GRIN3B: variants seen among roughly 807,000 people sequenced by gnomAD.
GRIN3B encodes the protein glutamate ionotropic receptor NMDA type subunit 3B.
GRIN3B carries 77 observed loss-of-function variants against 66.0 expected under a neutral mutation model. The observed-to-expected ratio is 1.17, with a 90% CI of 0.97 to 1.41. The LOEUF is 1.41. GRIN3B is among the 40% of genes most tolerant of loss of function. GRIN3B has a pLI of 0.00. For missense variants in GRIN3B, 1,787 were observed against 1,564.5 expected, an observed-to-expected ratio of 1.14 and a Z score of -2.40; for synonymous variants, 823 against 749.7, an observed-to-expected ratio of 1.10 and a Z score of -1.60.
At position 1,009,236 on chromosome 19, in the gene GRIN3B, A is replaced by ACT. The variant is rs1462942822; in HGVS notation, c.2767_2768insTC (p.Arg923LeufsTer163). On this transcript the variant is annotated frameshift_variant, in exon 9 of 9. Coordinates refer to ENST00000234389, the MANE Select transcript of GRIN3B (RefSeq NM_138690.3). LOFTEE classifies it low-confidence loss of function (END_TRUNC). The stretch of plus-strand genomic sequence containing the variant: ...AGCCAACGGCTCCGGAGGGCTGGAA[A>ACT]CGGGCGCGCCGGGCCGTGGACAAGG... 4 of 1,453,542 alleles carry ACT rather than the reference A, an allele frequency of 2.8e-6. No individual in the cohort carries two copies. Among genetic ancestry groups the ACT allele is most frequent in the Non-Finnish European group, 3.6e-6 (4 of 1,114,862 alleles). The allele number at this position is 1,453,542 out of a possible 1,614,324, so 90.0% of individuals were successfully genotyped here. A position where few individuals can be genotyped will look rare whatever the true frequency, so the allele number is the denominator to read the frequency against.
chr19:1,001,206 C>T (rs755401799), intron 1 of GRIN3B, among the ~76,000 whole-genome samples: 5 of 152,192 alleles, frequency 3.3e-5, no homozygotes, highest in South Asian at 4.1e-4. Flanking sequence ...AGGCCCCTTC[C>T]CTCCTTCCCC....
rs918402578 is a variant in GRIN3B, at chr19:1,008,468, A to G, written c.2467-150A>G. On this transcript the variant is annotated intron_variant, in intron 6 of 8. Transcript: ENST00000234389. ...AGTGCCCCTTCCTCCATGAAACCTC[A>G]CTCCCCCCAGCCATGGAGTCCCTGC... is the stretch of plus-strand genomic sequence containing the variant. 13 of 1,042,600 alleles carry G rather than the reference A, an allele frequency of 1.2e-5. No homozygotes were observed. The African/African-American group carries it at 1.6e-4, about 13-fold the overall frequency. 64.6% of individuals were successfully genotyped at this position (1,042,600 alleles called of 1,614,324 possible).
Position 1,003,528 on chromosome 19 carries a change from A to G in GRIN3B, c.825A>G (p.Pro275=), listed in dbSNP as rs777351892. The change falls in exon 2 of 9, where the codon CCA becomes CCG. Residue 275 remains proline, a synonymous_variant. Transcript: ENST00000234389. ...PPKALPTAGL[P]PGLLALGEVA... Reference sequence around the variant, plus strand: ...AGGCCCTGCCCACCGCGGGGCTGCCACCAGGGCTGCTGGCGCTGGGCGAGG... The same window carrying G: ...AGGCCCTGCCCACCGCGGGGCTGCCGCCAGGGCTGCTGGCGCTGGGCGAGG... 2.0e-6 allele frequency: 3 copies of G among 1,528,506 alleles called. No homozygotes were observed. The highest frequency in any genetic ancestry group is 1.7e-4 in the Middle Eastern group (1 of 5,874). The allele number at this position is 1,528,506 out of a possible 1,614,324, so 94.7% of individuals were successfully genotyped here. A position where few individuals can be genotyped will look rare whatever the true frequency, so the allele number is the denominator to read the frequency against.
Position 1,007,599 on chromosome 19 carries a change from C to A in GRIN3B, c.2053-29C>A. 1 of 1,464,904 alleles carries A rather than the reference C, an allele frequency of 6.8e-7. No individual in the cohort carries two copies. Among genetic ancestry groups the A allele is most frequent in the Non-Finnish European group, 9.0e-7 (1 of 1,110,960 alleles). The allele number at this position is 1,464,904 out of a possible 1,614,324, so 90.7% of individuals were successfully genotyped here. A position where few individuals can be genotyped will look rare whatever the true frequency, so the allele number is the denominator to read the frequency against. On this transcript the variant is annotated intron_variant, in intron 3 of 8. Coordinates refer to ENST00000234389, the MANE Select transcript of GRIN3B (RefSeq NM_138690.3). The surrounding 1 kb of genome is among the most constrained non-coding windows in gnomAD (Gnocchi z 4.4). ...ATGGTCAGGGGTCCTGAGGGGCAGG[C>A]AGAGGCGCTGACGGGGTCCCCCGCG...
Position 1,009,514 on chromosome 19 carries a change from C to G in GRIN3B, c.3044C>G (p.Ala1015Gly). 6.7e-7 allele frequency: 1 copy of G among 1,493,604 alleles called. No homozygotes were observed. The highest frequency in any genetic ancestry group is 2.7e-5 in the East Asian group (1 of 37,336). 92.5% of individuals were successfully genotyped at this position (1,493,604 alleles called of 1,614,324 possible). A position where few individuals can be genotyped will look rare whatever the true frequency, so the allele number is the denominator to read the frequency against. The change falls in exon 9 of 9, where the codon GCA becomes GGA. Residue 1015 changes from alanine to glycine, a missense_variant. Physicochemically the swap from Ala to Gly is moderately conservative, Grantham distance 60 (BLOSUM62 0). Coordinates refer to ENST00000234389, the MANE Select transcript of GRIN3B (RefSeq NM_138690.3). ...CTCCTGGCACAGCTCGGGGACAGCG[C>G]ACGTCACCGGCCTCGGCGCTTGCTT... The part of the protein sequence containing the change: ...GQLLAQLGDS[A>G]RHRPRRLLQA...
At position 1,005,199 on chromosome 19, in the gene GRIN3B, C is replaced by G. The variant is rs368382957; in HGVS notation, c.1698C>G (p.Ile566Met). Residue 566 changes from isoleucine to methionine, a missense_variant, in exon 3 of 9, where the codon ATC (isoleucine) becomes ATG (methionine). Ile to Met is a conservative substitution (Grantham distance 10). Transcript: ENST00000234389. This position sits in a 1 kb window ranked among gnomAD's most constrained non-coding sequence, Gnocchi z 5.2. ...GGGCACGGGACACGGCCTCACCCAT[C>G]GGTGCCTTTATGTGGCCCCTGCACT... The part of the protein sequence containing the change: ...MVRARDTASP[I>M]GAFMWPLHWS... The G allele has an allele frequency of 9.9e-6, 16 of 1,613,548 alleles. No individual in the cohort carries two copies. In the Admixed American group the frequency reaches 2.7e-4, roughly 27 times the overall value.
At chr19:1,002,843 G>T in intron 1 of GRIN3B, 1 of 344,884 alleles carries the variant, frequency 2.9e-6, no homozygotes, top group Non-Finnish European at 5.3e-6. Flanking sequence ...CATAGAGAGA[G>T]AAAGATATTC....
intron 3 of GRIN3B, among the ~76,000 whole-genome samples, chr19:1,006,384 A>G (rs1168350916): frequency 6.7e-6 from 1 of 149,842 alleles, no homozygotes; most frequent in Non-Finnish European, 1.5e-5. Context: ...TGACCTCGTG[A>G]TCCGCCCACC....
At chr19:1,002,382 AAAAG>A (rs1483157062) in intron 1 of GRIN3B, among the ~76,000 whole-genome samples, 1 of 147,226 alleles carries the variant, frequency 6.8e-6, no homozygotes, top group Non-Finnish European at 1.5e-5. Flanking sequence ...AAAAAAAAAA[AAAAG>A]CTGGGAGTGG....
chr19:1,005,433 G>A lies in GRIN3B; in HGVS notation c.1932G>A (p.Leu644=). 6.2e-7 allele frequency: 1 copy of A among 1,613,628 alleles called. No individual in the cohort carries two copies. The highest frequency in any genetic ancestry group is 1.7e-5 in the Admixed American group (1 of 60,024). Residue 644 remains leucine, a synonymous_variant, in exon 3 of 9, where the codon CTG becomes CTA. Transcript: ENST00000234389. This position sits in a 1 kb window ranked among gnomAD's most constrained non-coding sequence, Gnocchi z 5.2. ...CGCCCAAGTGCCCCACGGGCCGCCT[G>A]CTCATGAACCTCTGGGCCATCTTCT... The part of the protein sequence containing the change: ...SKTPKCPTGR[L]LMNLWAIFCL...
At chr19:1,009,010 G>A (rs1404301130) in intron 8 of GRIN3B, 83 bp downstream of exon 8, 1 of 1,510,264 alleles carries the variant, frequency 6.6e-7, no homozygotes, top group Admixed American at 2.0e-5. Context: ...CGGCCGCGGG[G>A]TGCAGGAGGT....
Position 1,009,247 on chromosome 19 carries a change from G to A in GRIN3B, c.2777G>A (p.Arg926Gln), listed in dbSNP as rs900530232. 7.6e-6 allele frequency: 11 copies of A among 1,439,680 alleles called. No individual in the cohort carries two copies. In the African/African-American group the frequency reaches 1.2e-4, roughly 16 times the overall value. The allele number at this position is 1,439,680 out of a possible 1,614,324, so 89.2% of individuals were successfully genotyped here. Reference protein sequence around the residue: ...TAPEGWKRARRAVDKERRVRF... With the variant: ...TAPEGWKRARQAVDKERRVRF... Reference sequence around the variant, plus strand: ...CCGGAGGGCTGGAAACGGGCGCGCCGGGCCGTGGACAAGGAGCGCCGCGTG... The same window carrying A: ...CCGGAGGGCTGGAAACGGGCGCGCCAGGCCGTGGACAAGGAGCGCCGCGTG... Residue 926 changes from arginine (R) to glutamine (Q), a missense_variant, in exon 9 of 9, where the codon CGG (arginine) becomes CAG (glutamine). Arg to Gln is a conservative substitution (Grantham distance 43). Transcript: ENST00000234389.
In GRIN3B at chr19:1,005,965, T is replaced by C. The variant is rs1478083117; in HGVS notation, c.2052+412T>C. ...GTTGCAGTGAATCAAGATGGCACCATTGCACTCTAGCCTGGGCAACAGAGC... is the reference window on the plus strand; with the variant it reads ...GTTGCAGTGAATCAAGATGGCACCACTGCACTCTAGCCTGGGCAACAGAGC... On this transcript the variant is annotated intron_variant, in intron 3 of 8. Coordinates refer to ENST00000234389, the MANE Select transcript of GRIN3B (RefSeq NM_138690.3). The surrounding 1 kb of genome is among the most constrained non-coding windows in gnomAD (Gnocchi z 5.2). Among the ~76,000 whole-genome samples, 1 of 151,646 alleles carries C rather than the reference T, an allele frequency of 6.6e-6. No homozygotes were observed.
In GRIN3B at chr19:1,005,856, T is replaced by TAGCTG. The variant is rs2038743179; in HGVS notation, c.2052+307_2052+311dup. ...ATCTTTACTAAAAAATACAAAGAAT[T>TAGCTG]AGCTGAGCATGGTGGTGGGCACCTG... On this transcript the variant is annotated intron_variant, in intron 3 of 8. Transcript: ENST00000234389. This position sits in a 1 kb window ranked among gnomAD's most constrained non-coding sequence, Gnocchi z 5.2. 6.6e-6 allele frequency among the ~76,000 whole-genome samples: 1 copy of TAGCTG among 151,728 alleles called. No individual in the cohort carries two copies. Among genetic ancestry groups the TAGCTG allele is most frequent in the Admixed American group, 6.6e-5 (1 of 15,232 alleles).
At chr19:1,002,859 G>A (rs565668145) in intron 1 of GRIN3B, 32 of 370,010 alleles carry the variant, frequency 8.6e-5, no homozygotes, top group East Asian at 6.8e-4. Context: ...TATTCCATCC[G>A]GGGAATGGCA....
At chr19:1,002,835 T>TTA in intron 1 of GRIN3B, 1 of 302,566 alleles carries the variant, frequency 3.3e-6, no homozygotes, top group Non-Finnish European at 6.1e-6. Flanking sequence ...TTGGTGGGCA[T>TTA]AGAGAGAGAA....
At chr19:1,000,972 A>AG in intron 1 of GRIN3B, 109 bp downstream of exon 1, 1 of 1,176,158 alleles carries the variant, frequency 8.5e-7, no homozygotes, top group Non-Finnish European at 1.1e-6. Flanking sequence ...TACGCAGGGA[A>AG]GGGGGATCCC....
At position 1,005,235 on chromosome 19, in the gene GRIN3B, G is replaced by C. The variant is rs1340132325; in HGVS notation, c.1734G>C (p.Trp578Cys). ...AFMWPLHWST[W>C]LGVFAALHLT... ...TGTGGCCCCTGCACTGGTCCACGTG[G>C]CTGGGCGTCTTTGCGGCCCTGCACC... The change falls in exon 3 of 9, where the codon TGG becomes TGC. Residue 578 changes from tryptophan (W) to cysteine (C), a missense_variant. Coordinates refer to ENST00000234389, the MANE Select transcript of GRIN3B (RefSeq NM_138690.3). The surrounding 1 kb of genome is among the most constrained non-coding windows in gnomAD (Gnocchi z 5.2). 1 of 1,613,214 alleles carries C rather than the reference G, an allele frequency of 6.2e-7. No individual in the cohort carries two copies. The highest frequency in any genetic ancestry group is 8.5e-7 in the Non-Finnish European group (1 of 1,179,874).
At position 1,007,094 on chromosome 19, in the gene GRIN3B, G is replaced by A. The variant is rs1164608738; in HGVS notation, c.2053-534G>A. 1.3e-5 allele frequency among the ~76,000 whole-genome samples: 2 copies of A among 152,180 alleles called. No homozygotes were observed. The highest frequency in any genetic ancestry group is 1.9e-4 in the East Asian group (1 of 5,198). ...GGGGAAGGAGGCTGGGTTCGACGCTGGGCCCCAACCTGGGTAGGAGCTGTG... is the reference window on the plus strand; with the variant it reads ...GGGGAAGGAGGCTGGGTTCGACGCTAGGCCCCAACCTGGGTAGGAGCTGTG... On this transcript the variant is annotated intron_variant, in intron 3 of 8. Coordinates refer to ENST00000234389, the MANE Select transcript of GRIN3B (RefSeq NM_138690.3). The surrounding 1 kb of genome is among the most constrained non-coding windows in gnomAD (Gnocchi z 4.4).
Sources: gnomAD v4.1 joint callset for allele counts (sites outside exome capture counted in the v4.1 genomes callset) on GRCh38, gnomAD v4.1.1 for gene constraint, Gnocchi (gnomAD v3.1) non-coding constraint, MANE v1.5 for transcripts, NCBI Gene and HGNC (gene_info 2026-07-23, HGNC 2026-07-21) for gene names.